Variants in CACNA1C observed in about 807,000 individuals in gnomAD.
CACNA1C encodes calcium voltage-gated channel subunit alpha1 C.
CACNA1C carries 30 observed loss-of-function variants against 229.0 expected under a neutral mutation model. That is an observed-to-expected ratio of 0.13 (90% confidence interval 0.10 to 0.18). CACNA1C has a LOEUF of 0.18. Among genes scored for constraint, CACNA1C ranks in the 10% least tolerant of loss-of-function variants. CACNA1C has a pLI of 1.00. For missense variants in CACNA1C, 1,658 were observed against 2,845.0 expected (o/e 0.58, Z 9.49); for synonymous variants, 1,114 against 1,132.5 (o/e 0.98, Z 0.33).
intron 9 of CACNA1C, among the ~76,000 whole-genome samples, chr12:2,532,160 T>C (rs545439482): frequency 6.6e-6 from 1 of 152,328 alleles, no homozygotes; most frequent in Admixed American, 6.5e-5. Flanking sequence ...GGTTGTGCTT[T>C]TGAGATCTTT....
chr12:2,466,227 C>G (rs1310170688), intron 5 of CACNA1C, among the ~76,000 whole-genome samples: 1 of 152,198 alleles, frequency 6.6e-6, no homozygotes, highest in Non-Finnish European at 1.5e-5. Flanking sequence ...TAAAGCCACT[C>G]ATGCTGTCCT....
intron 1 of CACNA1C, among the ~76,000 whole-genome samples, chr12:2,104,593 A>T (rs1007259886): frequency 2.6e-5 from 4 of 152,184 alleles, no homozygotes; most frequent in African/African-American, 9.7e-5. Context: ...CCTGGCCAGA[A>T]CTTCCAATAC....
At chr12:2,278,309 A>G (rs2089724933) in intron 3 of CACNA1C, among the ~76,000 whole-genome samples, 1 of 152,368 alleles carries the variant, frequency 6.6e-6, no homozygotes, top group Non-Finnish European at 1.5e-5. Flanking sequence ...TTTCAACTGT[A>G]TACTTTGGAA....
intron 9 of CACNA1C, among the ~76,000 whole-genome samples, chr12:2,514,562 G>A (rs144284267): frequency 6.6e-6 from 1 of 152,248 alleles, no homozygotes; most frequent in East Asian, 1.9e-4. Flanking sequence ...TGAGTGGTAT[G>A]GTAAATAAAT....
intron 9 of CACNA1C, among the ~76,000 whole-genome samples, chr12:2,540,943 C>T (rs1412144257): frequency 6.6e-6 from 1 of 152,186 alleles, no homozygotes; most frequent in African/African-American, 2.4e-5. Flanking sequence ...GATCAAGGTG[C>T]TGGCGGGCTT....
intron 3 of CACNA1C, among the ~76,000 whole-genome samples, chr12:2,430,687 G>T (rs1054022483): frequency 6.6e-6 from 1 of 152,090 alleles, no homozygotes; most frequent in African/African-American, 2.4e-5. Context: ...CTGTTCTTCA[G>T]ATGCCGCTTA....
chr12:2,060,537 A>G (rs773656357), intron 1 of CACNA1C, among the ~76,000 whole-genome samples: 2 of 152,124 alleles, frequency 1.3e-5, no homozygotes, highest in Non-Finnish European at 2.9e-5. Flanking sequence ...GACTTGTTTC[A>G]TACTCTTTCA....
At chr12:2,254,246 T>C (rs1394503113) in intron 3 of CACNA1C, among the ~76,000 whole-genome samples, 1 of 151,506 alleles carries the variant, frequency 6.6e-6, no homozygotes, top group African/African-American at 2.4e-5. Flanking sequence ...TCTCAGGGAG[T>C]GGGGTGGAGA....
At chr12:2,044,979 A>C (rs1012898228) in intron 1 of CACNA1C, among the ~76,000 whole-genome samples, 1 of 152,224 alleles carries the variant, frequency 6.6e-6, no homozygotes, top group Admixed American at 6.5e-5. Flanking sequence ...CTGAGCCGTC[A>C]TTTATTATTC....
intron 3 of CACNA1C, among the ~76,000 whole-genome samples, chr12:2,351,047 T>C (rs1387131632): frequency 1.3e-5 from 2 of 152,244 alleles, no homozygotes; most frequent in African/African-American, 4.8e-5. Flanking sequence ...GGGCCCCTTC[T>C]GAAGGCAATT....
chr12:2,343,798 C>T (rs559565346), intron 3 of CACNA1C, among the ~76,000 whole-genome samples: 3 of 152,280 alleles, frequency 2.0e-5, no homozygotes, highest in Admixed American at 2.0e-4. Context: ...CCGCTAGCTG[C>T]AGAAAGAGCA....
chr12:2,033,489 C>T (rs902862291), intron 1 of CACNA1C, among the ~76,000 whole-genome samples: 5 of 152,182 alleles, frequency 3.3e-5, no homozygotes, highest in Non-Finnish European at 7.3e-5. Context: ...AATGGAGCTT[C>T]ATCTCCACTC....
intron 9 of CACNA1C, among the ~76,000 whole-genome samples, chr12:2,531,731 C>T (rs2099841514): frequency 6.6e-6 from 1 of 152,194 alleles, no homozygotes; most frequent in South Asian, 2.1e-4. Flanking sequence ...CCACGCTCTC[C>T]TGCCCTTTTC....
At chr12:2,650,886 C>T (rs2094891087) in intron 31 of CACNA1C, among the ~76,000 whole-genome samples, 1 of 152,134 alleles carries the variant, frequency 6.6e-6, no homozygotes, top group Non-Finnish European at 1.5e-5. Context: ...CTCTCCCTTC[C>T]AGGGTCTTGT....
intron 5 of CACNA1C, among the ~76,000 whole-genome samples, chr12:2,473,275 C>T (rs1302891102): frequency 1.3e-5 from 2 of 152,126 alleles, no homozygotes; most frequent in Non-Finnish European, 2.9e-5. Flanking sequence ...AACCCCTACA[C>T]AAACTTCTAG....
chr12:2,128,514 C>T (rs1017301451), intron 3 of CACNA1C, among the ~76,000 whole-genome samples: 3 of 152,080 alleles, frequency 2.0e-5, no homozygotes, highest in Admixed American at 6.5e-5. Context: ...GGGTTCACGC[C>T]GTTCTCCCGT....
chr12:2,605,678 G>A lies in CACNA1C; in HGVS notation c.3049-1G>A, dbSNP rs532674140. 6.2e-7 allele frequency: 1 copy of A among 1,609,886 alleles called. No individual in the cohort carries two copies. Among genetic ancestry groups the A allele is most frequent in the Admixed American group, 1.7e-5 (1 of 60,004 alleles). ...CCTCTCCCCGTCCCTTCCCACTGCA[G>A]CATGTGGTTCAGTGTGTGTTTGTCG... On this transcript the variant is annotated splice_acceptor_variant, in intron 23 of 46. Transcript: ENST00000399655. LOFTEE classifies it high-confidence loss of function. The surrounding 1 kb of genome is among the most constrained non-coding windows in gnomAD (Gnocchi z 6.2).
At chr12:1,993,722 T>C (rs1330410669) in intron 1 of CACNA1C, among the ~76,000 whole-genome samples, 7 of 152,126 alleles carry the variant, frequency 4.6e-5, no homozygotes, top group African/African-American at 1.7e-4. Context: ...TAACTACTTT[T>C]TAAAACATTA....
rs558926857 is a variant in CACNA1C, at chr12:2,067,921, G to C, written c.49+14310G>C. Reference sequence around the variant, plus strand: ...TATGATATTGGCTCTCTGGAGAACCGGTTAGCCTTTGTGGAGTGTTAAGCC... The same window carrying C: ...TATGATATTGGCTCTCTGGAGAACCCGTTAGCCTTTGTGGAGTGTTAAGCC... On this transcript the variant is annotated intron_variant, in intron 1 of 46. Transcript: ENST00000399655. The surrounding 1 kb of genome is among the most constrained non-coding windows in gnomAD (Gnocchi z 5.3). Among the ~76,000 whole-genome samples, 4 of 152,088 alleles carry C rather than the reference G, an allele frequency of 2.6e-5. No homozygotes were observed. The highest frequency in any genetic ancestry group is 5.9e-5 in the Non-Finnish European group (4 of 68,020).
Sources: allele counts gnomAD v4.1 joint callset (sites outside exome capture counted in the v4.1 genomes callset), GRCh38; gene constraint gnomAD v4.1.1; non-coding constraint Gnocchi (gnomAD v3.1); transcripts MANE v1.5; gene names NCBI Gene and HGNC (gene_info 2026-07-23, HGNC 2026-07-21).